The following SIGLEC12 variants were observed in gnomAD, a reference collection of about 807,000 sequenced individuals.
SIGLEC12 encodes the protein sialic acid-binding Ig-like lectin 12.
SIGLEC12 carries 43 observed loss-of-function variants against 54.1 expected under a neutral mutation model. The ratio of observed to expected loss-of-function variants is 0.80; its 90% CI spans 0.62 to 1.03. The LOEUF (loss-of-function observed/expected upper bound fraction) is 1.03, where lower values mean the gene tolerates loss of function less well. SIGLEC12 is among the 50% of genes least tolerant of loss of function. The pLI is 0.00. For synonymous variants in SIGLEC12, 357 were observed against 307.6 expected (o/e 1.16, Z -1.68); for missense variants, 802 against 735.2 (o/e 1.09, Z -1.05).
chr19:51,492,129 G>A (rs1036693335), intron 7 of SIGLEC12, among the ~76,000 whole-genome samples: 10 of 152,080 alleles, frequency 6.6e-5, no homozygotes, highest in East Asian at 3.9e-4. Flanking sequence ...CTCTTATACC[G>A]GGACCCAATC....
In SIGLEC12 at chr19:51,501,540, C is replaced by T. The variant is rs201439034; in HGVS notation, c.194G>A (p.Arg65Gln). Reference sequence around the variant, plus strand: ...GTTCCGGCTTACATGGTCCCCTGCCCGGAACCAGTAGCCATGAACTGGATC... The same window carrying T: ...GTTCCGGCTTACATGGTCCCCTGCCTGGAACCAGTAGCCATGAACTGGATC... ...ASDPVHGYWF[R>Q]AGDHVSRNIP... Residue 65 changes from arginine to glutamine, a missense_variant, in exon 1 of 8, where the codon CGG (arginine) becomes CAG (glutamine). Coordinates refer to ENST00000291707, the MANE Select transcript of SIGLEC12 (RefSeq NM_053003.4). The T allele has an allele frequency of 1.2e-5, 20 of 1,613,404 alleles. No individual in the cohort carries two copies. The highest frequency in any genetic ancestry group is 5.5e-5 in the South Asian group (5 of 91,034).
rs763251609 is a variant in SIGLEC12 at position 51,499,591 on chromosome 19, C to A, written c.934G>T (p.Ala312Ser). The change falls in exon 3 of 8, where the codon GCC (alanine) becomes TCC (serine). Residue 312 changes from alanine (A) to serine (S), a missense_variant. Transcript: ENST00000291707. ...GTPPTITWMG[A>S]SVSSLDPTIT... ...GTGGGGTCCAGGGAGGACACGGAGGCCCCCATCCAGGTGATCGTGGGGGGC... is the reference window on the plus strand; with the variant it reads ...GTGGGGTCCAGGGAGGACACGGAGGACCCCATCCAGGTGATCGTGGGGGGC... The A allele has an allele frequency of 6.2e-7, 1 of 1,612,670 alleles. No individual in the cohort carries two copies. Among genetic ancestry groups the A allele is most frequent in the Non-Finnish European group, 8.5e-7 (1 of 1,179,310 alleles).
Position 51,500,203 on chromosome 19 carries a change from G to C in SIGLEC12, c.525C>G (p.Tyr175Ter). 1 of 1,614,122 alleles carries C rather than the reference G, an allele frequency of 6.2e-7. No homozygotes were observed. Among genetic ancestry groups the C allele is most frequent in the Middle Eastern group, 1.6e-4 (1 of 6,062 alleles). ...LCVSVPCSVL[Y>*]PHYNWTASSP... ...TAGAGGCAGTCCAGTTGTAATGGGG[G>C]TAAAGGACACTGCAGGGCACAGAGA... The change falls in exon 2 of 8, where the codon TAC becomes TAG. Residue 175 changes from tyrosine to a stop codon, truncating the protein, a stop_gained. Transcript: ENST00000291707. LOFTEE classifies it high-confidence loss of function.
intron 7 of SIGLEC12, among the ~76,000 whole-genome samples, chr19:51,495,306 CGGGT>C (rs1244757656): frequency 5.0e-4 from 12 of 24,034 alleles, no homozygotes; most frequent in Admixed American, 1.5e-3. Context: ...GACGGACGGA[CGGGT>C]GGGTGGATGG....
At position 51,498,260 on chromosome 19, in the gene SIGLEC12, G is replaced by A. The variant is rs1599954479; in HGVS notation, c.1163C>T (p.Ala388Val). ...TASTTLRNGS[A>V]LSVLEGQSLH... ...GGACTGGCCCTCCAGGACTGAAAGG[G>A]CCGAGCCATTCCTCAAGGTTGTGGA... Residue 388 changes from alanine to valine, a missense_variant, in exon 5 of 8, where the codon GCC (alanine) becomes GTC (valine). Ala to Val is a moderately conservative substitution (Grantham distance 64, BLOSUM62 0). Coordinates refer to ENST00000291707, the MANE Select transcript of SIGLEC12 (RefSeq NM_053003.4). The A allele has an allele frequency of 1.9e-6, 3 of 1,611,422 alleles. No individual in the cohort carries two copies. The African/African-American group carries it at 4.0e-5, about 21-fold the overall frequency.
Position 51,491,318 on chromosome 19 carries a change from A to G in SIGLEC12, c.*323T>C. ...GGAACAACACGGATGAACCTAGAGA[A>G]CATTATGTTGAGTGAAATAAGCCAG... On this transcript the variant is annotated 3_prime_UTR_variant, in exon 8 of 8. Transcript: ENST00000291707. 1 of 275,738 alleles carries G rather than the reference A, an allele frequency of 3.6e-6. No homozygotes were observed. The highest frequency in any genetic ancestry group is 6.9e-6 in the Non-Finnish European group (1 of 144,872). 17.1% of individuals were successfully genotyped at this position (275,738 alleles called of 1,614,324 possible).
chr19:51,494,382 C>A (rs1317691990), intron 7 of SIGLEC12, among the ~76,000 whole-genome samples: 2 of 152,212 alleles, frequency 1.3e-5, no homozygotes, highest in East Asian at 3.9e-4. Context: ...TTAGAAAATG[C>A]AAATCAAAGC....
chr19:51,493,914 C>T (rs1017766716), intron 7 of SIGLEC12, among the ~76,000 whole-genome samples: 1 of 152,246 alleles, frequency 6.6e-6, no homozygotes, highest in Non-Finnish European at 1.5e-5. Flanking sequence ...GCACAAAACT[C>T]TCCAAATGCT....
intron 7 of SIGLEC12, among the ~76,000 whole-genome samples, chr19:51,496,036 G>C (rs1990233012): frequency 6.6e-6 from 1 of 152,214 alleles, no homozygotes; most frequent in Admixed American, 6.5e-5. Context: ...GGCAGGAGTG[G>C]CTGGAGGCGG....
At chr19:51,499,287 C>T in intron 3 of SIGLEC12, 70 bp from the exon 4 acceptor site, 3 of 1,590,020 alleles carry the variant, frequency 1.9e-6, no homozygotes, top group Non-Finnish European at 2.6e-6. Context: ...TCCCCAGGAG[C>T]CCCATAAATG....
intron 4 of SIGLEC12, 125 bp from the exon 5 acceptor site, chr19:51,498,412 G>C: frequency 1.3e-6 from 1 of 755,514 alleles, no homozygotes; most frequent in Admixed American, 2.9e-5. Context: ...ACATATGCAC[G>C]TTCACTGCTC....
Position 51,499,911 on chromosome 19 carries a change from G to C in SIGLEC12, c.808+9C>G. 1 of 1,600,590 alleles carries C rather than the reference G, an allele frequency of 6.2e-7. No homozygotes were observed. The highest frequency in any genetic ancestry group is 1.3e-5 in the African/African-American group (1 of 74,854). ...TCCCCTCTGGCTGGTCCTAGAGCCA[G>C]AGATTTACCTGTCACATGCACAGAG... is the stretch of plus-strand genomic sequence containing the variant. On this transcript the variant is annotated intron_variant, in intron 2 of 7. Transcript: ENST00000291707.
At chr19:51,500,397 C>A (rs777032137) in intron 1 of SIGLEC12, 97 bp from the exon 2 acceptor site, 3 of 1,600,888 alleles carry the variant, frequency 1.9e-6, no homozygotes, top group Non-Finnish European at 2.6e-6. Context: ...GCTTCCTGGG[C>A]TCCCTGTGTG....
In SIGLEC12 at chr19:51,491,649, G is replaced by GCA; in HGVS notation, c.1779_1780insTG (p.Pro594CysfsTer13). On this transcript the variant is annotated frameshift_variant, in exon 8 of 8. Transcript: ENST00000291707. LOFTEE classifies it high-confidence loss of function. Reference sequence around the variant, plus strand: ...TGAGTCTCTGCAGTTTCTCACTTGGGGATGTTGATCTCGGAGTACTCATAG... The same window carrying GCA: ...TGAGTCTCTGCAGTTTCTCACTTGGGCAGATGTTGATCTCGGAGTACTCATAG... 3.1e-6 allele frequency: 5 copies of GCA among 1,614,044 alleles called. No homozygotes were observed. The highest frequency in any genetic ancestry group is 4.2e-6 in the Non-Finnish European group (5 of 1,179,998).
At chr19:51,495,980 G>T (rs117877805) in intron 7 of SIGLEC12, among the ~76,000 whole-genome samples, 1,715 of 152,302 alleles carry the variant, frequency 0.011, 21 homozygotes, top group Non-Finnish European at 0.016. Flanking sequence ...AAATAACCTT[G>T]TTGGTGATGA....
chr19:51,496,302 C>G (rs1021394755), intron 7 of SIGLEC12, among the ~76,000 whole-genome samples: 10 of 152,008 alleles, frequency 6.6e-5, no homozygotes, highest in Admixed American at 6.5e-4. Context: ...AACTCCGTCT[C>G]TACTAAAAAT....
chr19:51,498,818 G>A (rs1482729795), intron 4 of SIGLEC12, among the ~76,000 whole-genome samples: 7 of 152,156 alleles, frequency 4.6e-5, no homozygotes, highest in Non-Finnish European at 1.0e-4. Flanking sequence ...ATAAATTTTT[G>A]CCCATGTGAC....
At chr19:51,500,859 T>C (rs1186205462) in intron 1 of SIGLEC12, among the ~76,000 whole-genome samples, 2 of 151,580 alleles carry the variant, frequency 1.3e-5, no homozygotes, top group Admixed American at 6.6e-5. Context: ...CCTGAGAGAG[T>C]CACGGGGTTG....
In SIGLEC12 at chr19:51,501,728, T is replaced by C; in HGVS notation, c.6A>G (p.Leu2=). M[L]LLLLLLPPLL... ...GGGGTGGCAGCAGTAGCAGCAGCAGTAGCATGTGTCGGGTTGGAGGTGCCA... is the reference window on the plus strand; with the variant it reads ...GGGGTGGCAGCAGTAGCAGCAGCAGCAGCATGTGTCGGGTTGGAGGTGCCA... The change falls in exon 1 of 8, where the codon CTA becomes CTG. Residue 2 remains leucine, a synonymous_variant. Coordinates refer to ENST00000291707, the MANE Select transcript of SIGLEC12 (RefSeq NM_053003.4). 1 of 1,603,368 alleles carries C rather than the reference T, an allele frequency of 6.2e-7. No homozygotes were observed. The highest frequency in any genetic ancestry group is 8.5e-7 in the Non-Finnish European group (1 of 1,172,822).
Sources: allele counts gnomAD v4.1 joint callset (sites outside exome capture counted in the v4.1 genomes callset), GRCh38; gene constraint gnomAD v4.1.1; transcripts MANE v1.5; gene names NCBI Gene and HGNC (gene_info 2026-07-23, HGNC 2026-07-21).